Variants in CAMK2B observed in about 807,000 individuals in gnomAD.
The protein encoded by CAMK2B is calcium/calmodulin-dependent protein kinase type II subunit beta.
CAMK2B carries 27 observed loss-of-function variants against 93.7 expected under a neutral mutation model. The observed-to-expected ratio is 0.29, with a 90% CI of 0.21 to 0.40. The LOEUF (loss-of-function observed/expected upper bound fraction) is 0.40. Ranked by LOEUF, CAMK2B falls within the 10% of genes least tolerant of loss-of-function variation. The pLI, the probability that CAMK2B is intolerant of heterozygous loss-of-function variation, is 1.00. For missense variants in CAMK2B, 568 were observed against 895.8 expected (o/e 0.63, Z 4.67); for synonymous variants, 374 against 358.8 (o/e 1.04, Z -0.48).
intron 6 of CAMK2B, among the ~76,000 whole-genome samples, chr7:44,244,513 A>C (rs910986085): frequency 6.6e-6 from 1 of 151,682 alleles, no homozygotes; most frequent in Non-Finnish European, 1.5e-5. Context: ...TCCCTTGGCC[A>C]GCCTCCCAGG....
At chr7:44,291,738 G>C (rs939319781) in intron 1 of CAMK2B, among the ~76,000 whole-genome samples, 2 of 152,226 alleles carry the variant, frequency 1.3e-5, no homozygotes, top group Non-Finnish European at 2.9e-5. Context: ...CGTTTAGGAG[G>C]TCTCCAACTT....
At chr7:44,219,657 T>C (rs1440229923) in intron 23 of CAMK2B, 135 bp from the exon 24 acceptor site, 2 of 216,526 alleles carry the variant, frequency 9.2e-6, no homozygotes, top group Non-Finnish European at 1.8e-5. Context: ...AGGTTCAAGG[T>C]GCCCAACCCA....
intron 1 of CAMK2B, among the ~76,000 whole-genome samples, chr7:44,285,569 C>T (rs541304087): frequency 5.9e-5 from 9 of 152,258 alleles, no homozygotes; most frequent in East Asian, 1.9e-4. Flanking sequence ...ATACGAACAC[C>T]GTTTTATCTA....
chr7:44,246,412 C>T (rs148331166), intron 6 of CAMK2B, among the ~76,000 whole-genome samples: 1 of 152,174 alleles, frequency 6.6e-6, no homozygotes, highest in Non-Finnish European at 1.5e-5. Context: ...CAAGTGCACA[C>T]ACATGCACAT....
At chr7:44,308,020 T>TGGAGCTCTTTCCTC (rs931396230) in intron 1 of CAMK2B, among the ~76,000 whole-genome samples, 1 of 152,038 alleles carries the variant, frequency 6.6e-6, no homozygotes, top group African/African-American at 2.4e-5. Flanking sequence ...CTTTTTGACC[T>TGGAGCTCTTTCCTC]ATAGGAGCTC....
chr7:44,255,525 C>T (rs1232139091), intron 4 of CAMK2B, among the ~76,000 whole-genome samples: 1 of 152,162 alleles, frequency 6.6e-6, no homozygotes, highest in Non-Finnish European at 1.5e-5. Flanking sequence ...TTCCTGTGAC[C>T]CTATGTGTGG....
At chr7:44,325,721 C>T (rs1372627304), upstream of CAMK2B, 1 of 146,656 alleles carries the variant, frequency 6.8e-6, no homozygotes, top group African/African-American at 2.5e-5. Context: ...TCCCCGCGCC[C>T]TGCACACGCT....
At chr7:44,284,479 G>A (rs1017876897) in intron 1 of CAMK2B, among the ~76,000 whole-genome samples, 2 of 152,246 alleles carry the variant, frequency 1.3e-5, no homozygotes, top group African/African-American at 4.8e-5. Context: ...CAGATGGCAC[G>A]CCCTGGGGGG....
At chr7:44,244,977 C>T (rs1404294965) in intron 6 of CAMK2B, 2 of 455,706 alleles carry the variant, frequency 4.4e-6, no homozygotes, top group Non-Finnish European at 8.8e-6. Flanking sequence ...GGTGATTTTG[C>T]CAACGTGAGT....
intron 1 of CAMK2B, among the ~76,000 whole-genome samples, chr7:44,319,660 T>C (rs1182279584): frequency 2.0e-5 from 3 of 152,196 alleles, no homozygotes; most frequent in Non-Finnish European, 4.4e-5. Flanking sequence ...TTCACAACAG[T>C]TGGGCCCTCC....
At chr7:44,231,688 C>A (rs1267154474) in intron 16 of CAMK2B, among the ~76,000 whole-genome samples, 1 of 152,186 alleles carries the variant, frequency 6.6e-6, no homozygotes, top group Non-Finnish European at 1.5e-5. Context: ...CCTCAGGGCA[C>A]CTGCCCCTCT....
intron 2 of CAMK2B, among the ~76,000 whole-genome samples, chr7:44,267,528 G>A (rs1325109549): frequency 6.6e-6 from 1 of 152,174 alleles, no homozygotes; most frequent in Non-Finnish European, 1.5e-5. Flanking sequence ...CCTAAACGGA[G>A]GCAAGGGCGT....
chr7:44,259,273 A>T (rs976431478), intron 3 of CAMK2B: 3 of 252,130 alleles, frequency 1.2e-5, no homozygotes, highest in Non-Finnish European at 2.4e-5. Flanking sequence ...GCTGCTCCCA[A>T]ACACCACGGA....
intron 13 of CAMK2B, among the ~76,000 whole-genome samples, chr7:44,238,516 G>A (rs1046184765): frequency 6.6e-6 from 1 of 152,200 alleles, no homozygotes; most frequent in Non-Finnish European, 1.5e-5. Context: ...GGTGCTGCCT[G>A]CTAGACACGT....
At chr7:44,322,555 A>G (rs1433464516) in intron 1 of CAMK2B, among the ~76,000 whole-genome samples, 1 of 152,244 alleles carries the variant, frequency 6.6e-6, no homozygotes, top group African/African-American at 2.4e-5. Flanking sequence ...TGGCTGGGCC[A>G]TGCCGGGCTG....
Position 44,311,337 on chromosome 7 carries a change from A to T in CAMK2B, c.65+14020T>A, listed in dbSNP as rs1793493694. Among the ~76,000 whole-genome samples the T allele has an allele frequency of 6.6e-6, 1 of 152,210 alleles. No individual in the cohort carries two copies. Among genetic ancestry groups the T allele is most frequent in the African/African-American group, 2.4e-5 (1 of 41,450 alleles). ...GTGATCCGCCCATCTCGGCCTCCCA[A>T]AGTGCTGGGATTACAGGCGTGAGCC... On this transcript the variant is annotated intron_variant, in intron 1 of 23. Coordinates refer to ENST00000395749, the MANE Select transcript of CAMK2B (RefSeq NM_001220.5). The surrounding 1 kb of genome is among the most constrained non-coding windows in gnomAD (Gnocchi z 4.2).
intron 1 of CAMK2B, among the ~76,000 whole-genome samples, chr7:44,299,028 C>G (rs1473381270): frequency 6.6e-6 from 1 of 152,128 alleles, no homozygotes; most frequent in Non-Finnish European, 1.5e-5. Context: ...TATGATCCAG[C>G]AATTCCACTC....
rs775532350 is a variant in CAMK2B, at chr7:44,247,090, C to A, written c.414+30G>T. 6 of 1,577,868 alleles carry A rather than the reference C, an allele frequency of 3.8e-6. No homozygotes were observed. In the Admixed American group the frequency reaches 1.0e-4, roughly 26 times the overall value. On this transcript the variant is annotated intron_variant, in intron 6 of 23. Transcript: ENST00000395749. ...ACAGCATGCAGGTACAGACAACAGA[C>A]ACCTGGCACAGAGTGGGGTGGGGAC... is the stretch of plus-strand genomic sequence containing the variant.
Position 44,220,187 on chromosome 7 carries a change from T to C in CAMK2B, c.1876A>G (p.Ile626Val), listed in dbSNP as rs139081314. The change falls in exon 23 of 24, where the codon ATT (isoleucine) becomes GTT (valine). Residue 626 changes from isoleucine to valine, a missense_variant. This residue lies in a region of CAMK2B where 116 missense variants were observed against 188.0 expected (regional missense o/e 0.62). Transcript: ENST00000395749. Reference sequence around the variant, plus strand: ...GTGCGGGGCCGGCCCTGCCCGTCAATGTACTGCGTGAGCCGGATGTAAGCG... The same window carrying C: ...GTGCGGGGCCGGCCCTGCCCGTCAACGTACTGCGTGAGCCGGATGTAAGCG... ...CIAYIRLTQY[I>V]DGQGRPRTSQ... 45 of 1,612,944 alleles carry C rather than the reference T, an allele frequency of 2.8e-5. No individual in the cohort carries two copies. The highest frequency in any genetic ancestry group is 9.3e-5 in the African/African-American group (7 of 74,928).
Sources: gnomAD v4.1 joint callset for allele counts (sites outside exome capture counted in the v4.1 genomes callset) on GRCh38, gnomAD v4.1.1 for gene constraint, gnomAD v4.1.1 regional missense constraint, Gnocchi (gnomAD v3.1) non-coding constraint, MANE v1.5 for transcripts, NCBI Gene and HGNC (gene_info 2026-07-23, HGNC 2026-07-21) for gene names.